The following POU2F1 variants were observed in gnomAD, a reference collection of about 807,000 sequenced individuals.
POU2F1 encodes the protein POU class 2 homeobox 1.
Under a neutral mutation model 84.9 loss-of-function variants are expected in POU2F1, and 16 were observed. That is an observed-to-expected ratio of 0.19 (90% CI 0.13 to 0.29). The LOEUF is 0.29. Among genes scored for constraint, POU2F1 ranks in the 10% least tolerant of loss-of-function variants. The pLI, the probability that POU2F1 is intolerant of heterozygous loss-of-function variation, is 1.00. For missense variants in POU2F1, 738 were observed against 942.6 expected (o/e 0.78, Z 2.84); for synonymous variants, 368 against 368.3 (o/e 1.00, Z 0.01).
chr1:167,230,411 CTT>C (rs1330584631), intron 1 of POU2F1, among the ~76,000 whole-genome samples: 1 of 152,050 alleles, frequency 6.6e-6, no homozygotes, highest in Non-Finnish European at 1.5e-5. Context: ...GGATTTCAAA[CTT>C]TTAAAAGCCT....
intron 1 of POU2F1, among the ~76,000 whole-genome samples, chr1:167,243,363 C>T (rs370445662): frequency 1.7e-3 from 262 of 152,302 alleles, no homozygotes; most frequent in African/African-American, 5.9e-3. Context: ...TTGCTGAGCA[C>T]GTTGGAATCT....
chr1:167,395,330 T>C (rs1462766529), intron 9 of POU2F1, among the ~76,000 whole-genome samples: 4 of 152,214 alleles, frequency 2.6e-5, no homozygotes, highest in Non-Finnish European at 5.9e-5. Context: ...ACCTCTCTAC[T>C]GTGAATTTCT....
intron 5 of POU2F1, 82 bp from the exon 6 acceptor site, chr1:167,374,026 T>G (rs1321480731): frequency 1.5e-6 from 2 of 1,329,982 alleles, no homozygotes; most frequent in African/African-American, 2.9e-5. Context: ...ATCATTTGAG[T>G]TACCTATTTT....
At chr1:167,363,812 T>C (rs765157857) in intron 2 of POU2F1, among the ~76,000 whole-genome samples, 1 of 152,256 alleles carries the variant, frequency 6.6e-6, no homozygotes, top group Non-Finnish European at 1.5e-5. Context: ...CAAATAGGGC[T>C]CTGCTTCATG....
chr1:167,356,721 G>T (rs552613264), intron 2 of POU2F1, among the ~76,000 whole-genome samples: 22 of 152,302 alleles, frequency 1.4e-4, no homozygotes, highest in African/African-American at 4.1e-4. Flanking sequence ...TTTAGAACAG[G>T]AAAGAAAGGA....
At chr1:167,412,932 C>A (rs1337709289) in intron 14 of POU2F1, 94 bp from the exon 15 acceptor site, 1 of 945,310 alleles carries the variant, frequency 1.1e-6, no homozygotes. Context: ...ATTTCCCCAG[C>A]TGGATTTTCG....
chr1:167,314,638 G>C (rs910516942), intron 1 of POU2F1, among the ~76,000 whole-genome samples: 1 of 152,148 alleles, frequency 6.6e-6, no homozygotes, highest in African/African-American at 2.4e-5. Context: ...GCCGGGCATT[G>C]TGGTGTGCAC....
In POU2F1 at chr1:167,423,761, T is replaced by C. The variant is rs1650786631; in HGVS notation, c.*7951T>C. 1 of 152,246 alleles carries C rather than the reference T, an allele frequency of 6.6e-6. No homozygotes were observed. Among genetic ancestry groups the C allele is most frequent in the Admixed American group, 6.5e-5 (1 of 15,286 alleles). The allele number at this position is 152,246 out of a possible 1,614,324, so 9.4% of individuals were successfully genotyped here. On this transcript the variant is annotated 3_prime_UTR_variant, in exon 16 of 16. Transcript: ENST00000367866. Reference sequence around the variant, plus strand: ...TTTTCCCTTGTTTTCTTTGTGTACTTGTTCATCATTGTATAAGTTAGCCAC... The same window carrying C: ...TTTTCCCTTGTTTTCTTTGTGTACTCGTTCATCATTGTATAAGTTAGCCAC...
chr1:167,384,584 G>A (rs1647819070), intron 8 of POU2F1, among the ~76,000 whole-genome samples: 1 of 151,840 alleles, frequency 6.6e-6, no homozygotes, highest in Non-Finnish European at 1.5e-5. Context: ...TTCTTTGTCT[G>A]CAGTATGGAA....
chr1:167,316,292 A>G (rs1191923217), intron 1 of POU2F1, among the ~76,000 whole-genome samples: 1 of 152,244 alleles, frequency 6.6e-6, no homozygotes, highest in Non-Finnish European at 1.5e-5. Context: ...TGAATGGTAC[A>G]TGGGACCCAT....
At chr1:167,236,035 T>G (rs1461855983) in intron 1 of POU2F1, among the ~76,000 whole-genome samples, 1 of 152,198 alleles carries the variant, frequency 6.6e-6, no homozygotes, top group Non-Finnish European at 1.5e-5. Context: ...TAACTATTAG[T>G]CTTTTAAATT....
intron 6 of POU2F1, among the ~76,000 whole-genome samples, chr1:167,374,734 T>A (rs1660215664): frequency 6.6e-6 from 1 of 152,242 alleles, no homozygotes; most frequent in Admixed American, 6.5e-5. Context: ...TGGTTTCAAT[T>A]TTCACATTTT....
intron 1 of POU2F1, among the ~76,000 whole-genome samples, chr1:167,296,764 A>G (rs558863540): frequency 6.6e-6 from 1 of 152,328 alleles, no homozygotes; most frequent in East Asian, 1.9e-4. Flanking sequence ...GTCCATAGGT[A>G]TATGTAAAAG....
intron 1 of POU2F1, among the ~76,000 whole-genome samples, chr1:167,246,843 G>A (rs922123513): frequency 6.6e-6 from 1 of 152,140 alleles, no homozygotes; most frequent in African/African-American, 2.4e-5. Context: ...ATATACCTAT[G>A]TACTTTATGG....
chr1:167,238,704 C>T (rs1043142611), intron 1 of POU2F1, among the ~76,000 whole-genome samples: 1 of 152,192 alleles, frequency 6.6e-6, no homozygotes, highest in African/African-American at 2.4e-5. Context: ...ACTGCATATT[C>T]TTTAGGCAAT....
intron 1 of POU2F1, among the ~76,000 whole-genome samples, chr1:167,255,963 G>T (rs993970161): frequency 5.9e-5 from 9 of 152,100 alleles, no homozygotes; most frequent in Admixed American, 4.6e-4. Context: ...TGCTTGGAGG[G>T]ACTCACTCCT....
At chr1:167,247,285 C>G (rs887170411) in intron 1 of POU2F1, among the ~76,000 whole-genome samples, 1 of 152,098 alleles carries the variant, frequency 6.6e-6, no homozygotes, top group African/African-American at 2.4e-5. Context: ...AGGCTAGTCT[C>G]AAACTCCTGG....
chr1:167,348,790 T>C (rs1420259128), intron 2 of POU2F1, among the ~76,000 whole-genome samples: 2 of 152,184 alleles, frequency 1.3e-5, no homozygotes, highest in East Asian at 3.9e-4. Context: ...TATCACCTCA[T>C]CTCTCCTACA....
chr1:167,276,810 A>T (rs1306305371), intron 1 of POU2F1, among the ~76,000 whole-genome samples: 1 of 150,990 alleles, frequency 6.6e-6, no homozygotes. Flanking sequence ...CAAAGGAGAA[A>T]ATCAATAAGT....
Sources: allele counts gnomAD v4.1 joint callset (sites outside exome capture counted in the v4.1 genomes callset), GRCh38; gene constraint gnomAD v4.1.1; transcripts MANE v1.5; gene names NCBI Gene and HGNC (gene_info 2026-07-23, HGNC 2026-07-21).